PDE11A: variants seen among roughly 807,000 people sequenced by gnomAD.
PDE11A encodes dual 3',5'-cyclic-AMP and -GMP phosphodiesterase 11A.
PDE11A carries 100 observed loss-of-function variants against 100.5 expected under a neutral mutation model. That is an observed-to-expected ratio of 1.00 (90% CI 0.85 to 1.18). The LOEUF (loss-of-function observed/expected upper bound fraction) is 1.18. PDE11A is among the 50% of genes most tolerant of loss of function. The probability of loss-of-function intolerance (pLI) is 0.00; values close to 1 mark genes in which losing one functional copy is unlikely to be tolerated. For missense variants in PDE11A, 1,141 were observed against 1,152.6 expected, an observed-to-expected ratio of 0.99 and a Z score of 0.15; for synonymous variants, 381 against 420.8, an observed-to-expected ratio of 0.91 and a Z score of 1.16.
chr2:178,016,587 T>C (rs2086340759), intron 1 of PDE11A, among the ~76,000 whole-genome samples: 1 of 152,152 alleles, frequency 6.6e-6, no homozygotes. Context: ...TAAGTGTTAC[T>C]GAGAAAAAAG....
intron 2 of PDE11A, among the ~76,000 whole-genome samples, chr2:177,935,543 C>T (rs368580072): frequency 5.6e-4 from 86 of 152,306 alleles, no homozygotes; most frequent in African/African-American, 2.0e-3. Flanking sequence ...CAACAAATCA[C>T]AGGCAGTACC....
At position 177,946,086 on chromosome 2, in the gene PDE11A, G is replaced by C. The variant is rs868019943; in HGVS notation, c.1072-40899C>G. 6.2e-3 allele frequency among the ~76,000 whole-genome samples: 693 copies of C among 111,810 alleles called. 7 individuals are homozygous for C. The highest frequency in any genetic ancestry group is 0.042 in the East Asian group (147 of 3,524). The allele number at this position is 111,810 out of a possible 152,430, so 73.4% of individuals were successfully genotyped here. ...AGCCCCCCGCCTGGCCAGCCGCCCC[G>C]TCCGGGATGGAGGTGGGGGGGGGTC... On this transcript the variant is annotated intron_variant, in intron 2 of 19. Transcript: ENST00000286063.
chr2:178,073,443 C>A (rs1184039052), upstream of PDE11A, among the ~76,000 whole-genome samples: 3 of 152,022 alleles, frequency 2.0e-5, no homozygotes, highest in Non-Finnish European at 2.9e-5. Flanking sequence ...AAAGAGTTTA[C>A]CAGGTAGAGG....
intron 1 of PDE11A, among the ~76,000 whole-genome samples, chr2:178,034,173 A>T (rs2086581566): frequency 6.6e-6 from 1 of 152,172 alleles, no homozygotes; most frequent in Non-Finnish European, 1.5e-5. Flanking sequence ...AAAGACACAT[A>T]GGGTCAAAAA....
At chr2:177,962,887 A>G (rs568312181) in intron 2 of PDE11A, among the ~76,000 whole-genome samples, 42 of 152,326 alleles carry the variant, frequency 2.8e-4, no homozygotes, top group African/African-American at 9.9e-4. Context: ...TCTGATTTGA[A>G]CTGGAGGTTT....
At chr2:177,686,285 G>A (rs556123398) in intron 15 of PDE11A, among the ~76,000 whole-genome samples, 1 of 152,286 alleles carries the variant, frequency 6.6e-6, no homozygotes, top group African/African-American at 2.4e-5. Context: ...AAACATGAGA[G>A]GCCAGGTATA....
chr2:177,875,290 C>T (rs2084212463), intron 5 of PDE11A, among the ~76,000 whole-genome samples: 1 of 152,048 alleles, frequency 6.6e-6, no homozygotes, highest in Non-Finnish European at 1.5e-5. Flanking sequence ...CTAAAGGCAA[C>T]ATTTTAATCC....
chr2:177,882,962 A>C (rs891854836), intron 4 of PDE11A, among the ~76,000 whole-genome samples: 1 of 152,206 alleles, frequency 6.6e-6, no homozygotes, highest in Non-Finnish European at 1.5e-5. Context: ...AGGACTACTC[A>C]AAATGGCAAA....
chr2:177,875,982 A>G, intron 4 of PDE11A, 59 bp from the exon 5 acceptor site: 2 of 951,360 alleles, frequency 2.1e-6, no homozygotes, highest in Non-Finnish European at 3.5e-6. Context: ...CGTTTAAAAT[A>G]ATGTAATAAA....
intron 19 of PDE11A, among the ~76,000 whole-genome samples, chr2:177,638,889 T>C (rs1203725087): frequency 6.6e-6 from 1 of 152,256 alleles, no homozygotes; most frequent in Non-Finnish European, 1.5e-5. Flanking sequence ...TACTTGCTCC[T>C]TTTTGCTTCA....
chr2:177,693,125 G>A (rs1414279211), intron 15 of PDE11A, among the ~76,000 whole-genome samples: 1 of 152,116 alleles, frequency 6.6e-6, no homozygotes, highest in Non-Finnish European at 1.5e-5. Context: ...CTAATTGTAC[G>A]GGGAGCCTAA....
intron 6 of PDE11A, 65 bp downstream of exon 6, chr2:177,840,186 T>C: frequency 6.6e-7 from 1 of 1,515,788 alleles, no homozygotes. Context: ...CCTTTTTGTG[T>C]TTCAACTGTT....
intron 10 of PDE11A, among the ~76,000 whole-genome samples, chr2:177,751,696 T>G (rs2082028953): frequency 6.6e-6 from 1 of 152,178 alleles, no homozygotes. Flanking sequence ...AAACAAAAAT[T>G]TACTGATTAA....
chr2:177,648,720 G>C (rs553674895), intron 19 of PDE11A, among the ~76,000 whole-genome samples: 1 of 152,156 alleles, frequency 6.6e-6, no homozygotes, highest in East Asian at 1.9e-4. Flanking sequence ...AGAACTGATA[G>C]AAAGACTAAA....
intron 2 of PDE11A, among the ~76,000 whole-genome samples, chr2:177,938,910 G>A (rs1287211366): frequency 2.0e-5 from 3 of 152,126 alleles, no homozygotes; most frequent in East Asian, 3.9e-4. Context: ...AGAAGATTAG[G>A]ACACAGACAG....
At chr2:177,918,603 C>T (rs10208501) in intron 2 of PDE11A, among the ~76,000 whole-genome samples, 13,081 of 151,980 alleles carry the variant, frequency 0.086, 532 homozygotes, top group South Asian at 0.1. Context: ...GGAAAAACCC[C>T]GAAAATATAC....
chr2:177,656,861 G>A (rs73040811), intron 19 of PDE11A, among the ~76,000 whole-genome samples: 1,761 of 152,310 alleles, frequency 0.012, 29 homozygotes, highest in African/African-American at 0.04. Context: ...GGACCAAAGG[G>A]CTAGTGAGTC....
chr2:177,786,656 T>C (rs1321397789), intron 9 of PDE11A, among the ~76,000 whole-genome samples: 1 of 152,036 alleles, frequency 6.6e-6, no homozygotes, highest in Admixed American at 6.5e-5. Flanking sequence ...TTTAGACTAA[T>C]GTATAACTAG....
rs545675742 is a variant in PDE11A, at chr2:177,859,027, A to G, written c.1367+16832T>C. Among the ~76,000 whole-genome samples the G allele has an allele frequency of 2.9e-3, 447 of 152,234 alleles. 4 individuals are homozygous for G. Among genetic ancestry groups the G allele is most frequent in the Middle Eastern group, 0.01 (3 of 294 alleles). On this transcript the variant is annotated intron_variant, in intron 5 of 19. Transcript: ENST00000286063. ...AACCAAACACCGCATGTTCTCGCTC[A>G]TAGGTGGGAATTGAACAATGAGAAC...
Sources: allele counts gnomAD v4.1 joint callset (sites outside exome capture counted in the v4.1 genomes callset), GRCh38; gene constraint gnomAD v4.1.1; transcripts MANE v1.5; gene names NCBI Gene and HGNC (gene_info 2026-07-23, HGNC 2026-07-21).